The following HERC3 variants were observed in gnomAD, a reference collection of about 807,000 sequenced individuals.
HERC3 encodes probable E3 ubiquitin-protein ligase HERC3.
Under a neutral mutation model 129.9 loss-of-function variants are expected in HERC3, and 58 were observed. That is an observed-to-expected ratio of 0.45 (90% confidence interval 0.36 to 0.56). The LOEUF is 0.56. Ranked by LOEUF, HERC3 falls within the 20% of genes least tolerant of loss-of-function variation. HERC3 has a pLI of 0.00. For missense variants in HERC3, 835 were observed against 1,244.2 expected (o/e 0.67, Z 4.95); for synonymous variants, 430 against 451.0 (o/e 0.95, Z 0.59).
intron 18 of HERC3, 22 bp from the exon 19 acceptor site, chr4:88,677,942 T>A (rs750766586): frequency 3.1e-6 from 5 of 1,607,516 alleles, no homozygotes; most frequent in Admixed American, 1.7e-5. Context: ...GAGTAATTGC[T>A]TTCTTGACTG....
chr4:88,535,051 C>CTT, the HERC3 span, among the ~76,000 whole-genome samples: 1 of 152,180 alleles, frequency 6.6e-6, no homozygotes, highest in Non-Finnish European at 1.5e-5. Flanking sequence ...ATGTAGCTAA[C>CTT]ACAAGAGTTA....
chr4:88,629,472 A>G (rs1235456524), intron 3 of HERC3, among the ~76,000 whole-genome samples: 2 of 152,202 alleles, frequency 1.3e-5, no homozygotes, highest in Non-Finnish European at 2.9e-5. Context: ...TAATGACTAC[A>G]TATTTCATTT....
intron 23 of HERC3, chr4:88,689,974 C>G: frequency 1.0e-6 from 1 of 984,496 alleles, no homozygotes; most frequent in Non-Finnish European, 1.2e-6. Flanking sequence ...TCCAGACTAT[C>G]CAAGAAGCCT....
the HERC3 span, among the ~76,000 whole-genome samples, chr4:88,573,677 C>T: frequency 0.43 from 65,059 of 152,060 alleles, 17,336 homozygotes; most frequent in African/African-American, 0.75. Flanking sequence ...AATCTGCCCT[C>T]TCCAAAACAA....
At chr4:88,676,896 AC>A (rs1219879511) in intron 18 of HERC3, among the ~76,000 whole-genome samples, 1 of 152,110 alleles carries the variant, frequency 6.6e-6, no homozygotes, top group African/African-American at 2.4e-5. Context: ...TAATCCTAAC[AC>A]TTTGGGAGGC....
At chr4:88,656,225 A>G (rs1729883110) in intron 9 of HERC3, 190 bp downstream of exon 9, 2 of 603,986 alleles carry the variant, frequency 3.3e-6, no homozygotes, top group South Asian at 4.5e-5. Flanking sequence ...GAGAATAAAT[A>G]AAGCAGGAAA....
At chr4:88,706,398 C>T (rs1049390271) in intron 25 of HERC3, among the ~76,000 whole-genome samples, 1 of 152,150 alleles carries the variant, frequency 6.6e-6, no homozygotes, top group Non-Finnish European at 1.5e-5. Context: ...ATTCCGTAGA[C>T]AAGGTGGTAC....
chr4:88,616,670 TTTTGTTTG>T (rs370865583), intron 3 of HERC3, among the ~76,000 whole-genome samples: 170 of 152,238 alleles, frequency 1.1e-3, no homozygotes, highest in African/African-American at 3.5e-3. Flanking sequence ...TGATCTCTGT[TTTTGTTTG>T]TTTGTTTGTT....
rs117498501 is a variant in HERC3, at chr4:88,624,695, C to T, written c.226+18646C>T. 1.1e-4 allele frequency among the ~76,000 whole-genome samples: 16 copies of T among 152,214 alleles called. No homozygotes were observed. The East Asian group carries it at 2.9e-3, about 28-fold the overall frequency. The stretch of plus-strand genomic sequence containing the variant: ...TTTCTTAACAGTGCGTTTTGAAGAT[C>T]AAAAGTTTAATTTTAATGAAGTCTA... On this transcript the variant is annotated intron_variant, in intron 3 of 25. Coordinates refer to ENST00000402738, the MANE Select transcript of HERC3 (RefSeq NM_014606.3).
intron 5 of HERC3, 66 bp downstream of exon 5, chr4:88,652,154 GT>G: frequency 8.2e-7 from 1 of 1,224,472 alleles, no homozygotes; most frequent in Non-Finnish European, 1.2e-6. Flanking sequence ...TTGTCTTTTT[GT>G]GTGATATTAT....
chr4:88,686,934 A>G (rs1415422252), intron 22 of HERC3, 132 bp downstream of exon 22: 4 of 743,070 alleles, frequency 5.4e-6, no homozygotes, highest in East Asian at 5.4e-5. Flanking sequence ...TATTTTAGTC[A>G]TAGTGTCTTG....
chr4:88,540,184 A>G, the HERC3 span, among the ~76,000 whole-genome samples: 1 of 152,230 alleles, frequency 6.6e-6, no homozygotes, highest in East Asian at 1.9e-4. Flanking sequence ...AGGAGGTTAA[A>G]AATCTTGAAA....
rs141798053 is a variant in HERC3 at position 88,691,444 on chromosome 4, A to G, written c.2657+4145A>G. ...ATGTTCTGGAGGCCGGAAGTCCAAG[A>G]TTAGGCTGCCAGCATGGTTAGGTTC... is the stretch of plus-strand genomic sequence containing the variant. On this transcript the variant is annotated intron_variant, in intron 23 of 25. Transcript: ENST00000402738. Among the ~76,000 whole-genome samples, 3 of 152,326 alleles carry G rather than the reference A, an allele frequency of 2.0e-5. No homozygotes were observed. The East Asian group carries it at 5.8e-4, about 29-fold the overall frequency.
At chr4:88,527,453 G>T in the HERC3 span, 2 of 161,756 alleles carry the variant, frequency 1.2e-5, no homozygotes, top group African/African-American at 2.4e-5. Context: ...TAAAGTCAGG[G>T]TCTCACTATG....
At chr4:88,634,179 C>G (rs1228989794) in intron 3 of HERC3, among the ~76,000 whole-genome samples, 1 of 152,178 alleles carries the variant, frequency 6.6e-6, no homozygotes, top group Admixed American at 6.5e-5. Flanking sequence ...AGTGTGCTAC[C>G]CAGCCTTGGG....
the HERC3 span, among the ~76,000 whole-genome samples, chr4:88,538,543 CT>C: frequency 7.5e-6 from 1 of 133,890 alleles, no homozygotes; most frequent in Non-Finnish European, 1.6e-5. Flanking sequence ...TCCCAATTTC[CT>C]CTTTTTTTTT....
intron 3 of HERC3, among the ~76,000 whole-genome samples, chr4:88,628,469 C>T (rs1726377018): frequency 6.6e-6 from 1 of 151,788 alleles, no homozygotes; most frequent in South Asian, 2.1e-4. Context: ...GTTGTGTCTC[C>T]CACATTCATC....
intron 16 of HERC3, 35 bp downstream of exon 16, chr4:88,670,287 T>C (rs769679821): frequency 5.7e-6 from 8 of 1,396,824 alleles, no homozygotes; most frequent in South Asian, 2.3e-5. Flanking sequence ...AAAGCTTTAG[T>C]CTTTTTATAA....
chr4:88,659,924 G>A (rs1193301968), intron 10 of HERC3, among the ~76,000 whole-genome samples: 1 of 152,130 alleles, frequency 6.6e-6, no homozygotes, highest in Non-Finnish European at 1.5e-5. Context: ...TGAGAAGGAA[G>A]TGAAGTAGCA....
Sources: allele counts gnomAD v4.1 joint callset (sites outside exome capture counted in the v4.1 genomes callset), GRCh38; gene constraint gnomAD v4.1.1; transcripts MANE v1.5; gene names NCBI Gene and HGNC (gene_info 2026-07-23, HGNC 2026-07-21).